CORO2B: variants seen among roughly 807,000 people sequenced by gnomAD.
CORO2B encodes coronin 2B, also known as coronin-2B.
Under a neutral mutation model 58.8 loss-of-function variants are expected in CORO2B, and 26 were observed. That is an observed-to-expected ratio of 0.44 (90% CI 0.32 to 0.61). The LOEUF (loss-of-function observed/expected upper bound fraction) is 0.61. CORO2B is among the 20% of genes least tolerant of loss of function. The pLI, the probability that CORO2B is intolerant of heterozygous loss-of-function variation, is 0.04. For missense variants in CORO2B, 460 were observed against 645.1 expected, an observed-to-expected ratio of 0.71 and a Z score of 3.11; for synonymous variants, 242 against 253.8, an observed-to-expected ratio of 0.95 and a Z score of 0.44.
chr15:68,549,452 C>T, the CORO2B span, among the ~76,000 whole-genome samples: 1 of 152,100 alleles, frequency 6.6e-6, no homozygotes, highest in African/African-American at 2.4e-5. Flanking sequence ...TCTCGTGGTA[C>T]CAAAACCTCC....
intron 1 of CORO2B, among the ~76,000 whole-genome samples, chr15:68,601,303 G>A (rs1011044132): frequency 6.6e-6 from 1 of 152,238 alleles, no homozygotes; most frequent in African/African-American, 2.4e-5. Context: ...GCGGCAGGCG[G>A]GGACAGGATG....
chr15:68,520,135 A>C, the CORO2B span, among the ~76,000 whole-genome samples: 6 of 152,202 alleles, frequency 3.9e-5, no homozygotes, highest in Non-Finnish European at 8.8e-5. Context: ...CAAAAAACAA[A>C]CTTTGAATCA....
chr15:68,677,691 T>C (rs1439889040), intron 2 of CORO2B, among the ~76,000 whole-genome samples: 1 of 152,168 alleles, frequency 6.6e-6, no homozygotes, highest in African/African-American at 2.4e-5. Context: ...TTGTCCACCC[T>C]GTGCCAGCCC....
At chr15:68,577,614 G>C (rs189862044), upstream of CORO2B, among the ~76,000 whole-genome samples, 1 of 151,694 alleles carries the variant, frequency 6.6e-6, no homozygotes, top group African/African-American at 2.4e-5. Flanking sequence ...CCAGATCCTC[G>C]GGGGGCTGAG....
chr15:68,526,272 G>C, the CORO2B span, among the ~76,000 whole-genome samples: 57 of 152,166 alleles, frequency 3.7e-4, no homozygotes, highest in African/African-American at 1.3e-3. Flanking sequence ...CATTTCTCTT[G>C]AGTAAATGCC....
chr15:68,534,037 C>T, the CORO2B span, among the ~76,000 whole-genome samples: 1 of 152,172 alleles, frequency 6.6e-6, no homozygotes, highest in Admixed American at 6.5e-5. Context: ...AGGACATGTG[C>T]CTCATAGTTC....
intron 2 of CORO2B, among the ~76,000 whole-genome samples, chr15:68,671,803 G>GA (rs1242122287): frequency 6.6e-6 from 1 of 152,166 alleles, no homozygotes; most frequent in Admixed American, 6.5e-5. Context: ...GCAGAAACTG[G>GA]AATCTTGTGT....
rs1030683900 is a variant in CORO2B, at chr15:68,591,204, C to T, written c.15+11927C>T. On this transcript the variant is annotated intron_variant, in intron 1 of 11. Coordinates refer to ENST00000261861, the MANE Select transcript of CORO2B (RefSeq NM_006091.5). Reference sequence around the variant, plus strand: ...CACAGAACTGTGAAACTATGAGAGACGTGGCTGGGCAGGCCAAGGAAGCTC... The same window carrying T: ...CACAGAACTGTGAAACTATGAGAGATGTGGCTGGGCAGGCCAAGGAAGCTC... 2.0e-4 allele frequency among the ~76,000 whole-genome samples: 30 copies of T among 152,130 alleles called. 1 individual carries two copies. Among genetic ancestry groups the T allele is most frequent in the African/African-American group, 5.8e-4 (24 of 41,406 alleles).
In CORO2B at chr15:68,666,449, A is replaced by T. The variant is rs1227061750; in HGVS notation, c.216+21089A>T. Reference sequence around the variant, plus strand: ...CAGTCCCCAGTGTTCTGAACTCCACAGGACCCAGGGAGTGGGTGAGTGGCC... The same window carrying T: ...CAGTCCCCAGTGTTCTGAACTCCACTGGACCCAGGGAGTGGGTGAGTGGCC... On this transcript the variant is annotated intron_variant, in intron 2 of 11. Transcript: ENST00000261861. 4.6e-5 allele frequency among the ~76,000 whole-genome samples: 7 copies of T among 152,236 alleles called. No individual in the cohort carries two copies. The South Asian group carries it at 1.4e-3, about 31-fold the overall frequency.
At chr15:68,551,636 C>T in the CORO2B span, among the ~76,000 whole-genome samples, 7 of 152,300 alleles carry the variant, frequency 4.6e-5, no homozygotes, top group African/African-American at 1.4e-4. Context: ...ACCCCCAGAG[C>T]CCCTGTGAGG....
chr15:68,654,304 A>C (rs1160955472), intron 2 of CORO2B, among the ~76,000 whole-genome samples: 2 of 152,210 alleles, frequency 1.3e-5, no homozygotes, highest in Non-Finnish European at 2.9e-5. Context: ...CAGCCTGGCT[A>C]GTGGGCATCA....
At chr15:68,616,518 C>T (rs909267908) in intron 1 of CORO2B, 1 of 984,958 alleles carries the variant, frequency 1.0e-6, no homozygotes, top group African/African-American at 1.7e-5. Flanking sequence ...CCCTTAAAAG[C>T]AGGCAGCTGC....
At chr15:68,715,121 AG>A in intron 7 of CORO2B, 93 bp from the exon 8 acceptor site, 2 of 1,110,208 alleles carry the variant, frequency 1.8e-6, no homozygotes, top group South Asian at 1.3e-5. Context: ...CATGAGGCAC[AG>A]GGGAGAGCTG....
At chr15:68,610,597 T>G (rs1159659205) in intron 1 of CORO2B, among the ~76,000 whole-genome samples, 1 of 152,174 alleles carries the variant, frequency 6.6e-6, no homozygotes, top group Non-Finnish European at 1.5e-5. Flanking sequence ...CGTTTAAATT[T>G]GTAGAAACCT....
chr15:68,648,164 C>T (rs1247644590), intron 2 of CORO2B, among the ~76,000 whole-genome samples: 1 of 149,246 alleles, frequency 6.7e-6, no homozygotes, highest in Non-Finnish European at 1.5e-5. Context: ...GAAACCCCGC[C>T]TCTACTAAAA....
At chr15:68,608,094 G>A (rs1243582421) in intron 1 of CORO2B, among the ~76,000 whole-genome samples, 1 of 152,252 alleles carries the variant, frequency 6.6e-6, no homozygotes, top group Non-Finnish European at 1.5e-5. Context: ...TGCCACCAAC[G>A]TGAAAGAACA....
Position 68,710,855 on chromosome 15 carries a change from C to G in CORO2B, c.457C>G (p.Leu153Val). 6.2e-7 allele frequency: 1 copy of G among 1,609,826 alleles called. No homozygotes were observed. The highest frequency in any genetic ancestry group is 1.3e-5 in the African/African-American group (1 of 75,038). ...GTGGCACCCCACCACCAACAACATC[C>G]TGTTCAGCGCTGGCTACGACTACAA... ...VEWHPTTNNI[L>V]FSAGYDYKVL... The change falls in exon 4 of 12, where the codon CTG becomes GTG. Residue 153 changes from leucine to valine, a missense_variant. Transcript: ENST00000261861. This position sits in a 1 kb window ranked among gnomAD's most constrained non-coding sequence, Gnocchi z 4.1.
the CORO2B span, among the ~76,000 whole-genome samples, chr15:68,550,524 C>A: frequency 6.6e-6 from 1 of 152,220 alleles, no homozygotes; most frequent in African/African-American, 2.4e-5. Flanking sequence ...TAGCACCCAT[C>A]TCTTATGGTC....
intron 1 of CORO2B, among the ~76,000 whole-genome samples, chr15:68,608,719 C>G (rs1394578594): frequency 6.6e-6 from 1 of 152,168 alleles, no homozygotes; most frequent in African/African-American, 2.4e-5. Context: ...GTTGGAGCCT[C>G]ATGGCTTTGT....
Sources: allele counts gnomAD v4.1 joint callset (sites outside exome capture counted in the v4.1 genomes callset), GRCh38; gene constraint gnomAD v4.1.1; non-coding constraint Gnocchi (gnomAD v3.1); transcripts MANE v1.5; gene names NCBI Gene and HGNC (gene_info 2026-07-23, HGNC 2026-07-21).